Variants in OTUD7A observed in about 807,000 individuals in gnomAD.
The protein encoded by OTUD7A is OTU domain-containing protein 7A.
OTUD7A carries 12 observed loss-of-function variants against 65.7 expected under a neutral mutation model. The observed-to-expected ratio is 0.18, with a 90% CI of 0.12 to 0.30. OTUD7A has a LOEUF of 0.30. Among genes scored for constraint, OTUD7A ranks in the 10% least tolerant of loss-of-function variants. The probability of loss-of-function intolerance (pLI) is 1.00; values close to 1 mark genes in which losing one functional copy is unlikely to be tolerated. For missense variants in OTUD7A, 1,148 were observed against 1,304.8 expected (o/e 0.88, Z 1.85); for synonymous variants, 641 against 586.3 (o/e 1.09, Z -1.35).
Position 31,773,477 on chromosome 15 carries a change from G to A in OTUD7A, c.-100+97030C>T, listed in dbSNP as rs376880958. Among the ~76,000 whole-genome samples, 5 of 152,270 alleles carry A rather than the reference G, an allele frequency of 3.3e-5. No homozygotes were observed. In the South Asian group the frequency reaches 6.2e-4, roughly 19 times the overall value. ...GGGCAATGGAATGTCTGGGGTCCCC[G>A]TTATGAGGGCACTAATCTCATTCAT... is the stretch of plus-strand genomic sequence containing the variant. On this transcript the variant is annotated intron_variant, in intron 1 of 12. Transcript: ENST00000307050.
chr15:31,751,765 A>C (rs1460931258), intron 1 of OTUD7A, among the ~76,000 whole-genome samples: 1 of 152,220 alleles, frequency 6.6e-6, no homozygotes, highest in East Asian at 1.9e-4. Context: ...CTTTTCAAAC[A>C]ACATAAGTGG....
intron 1 of OTUD7A, among the ~76,000 whole-genome samples, chr15:31,863,364 C>T (rs559474318): frequency 7.9e-5 from 12 of 152,338 alleles, no homozygotes; most frequent in Admixed American, 5.9e-4. Context: ...CTCTTCTGCA[C>T]TGCCATAACA....
chr15:31,496,287 T>C (rs1343058968), intron 10 of OTUD7A, among the ~76,000 whole-genome samples: 1 of 151,686 alleles, frequency 6.6e-6, no homozygotes, highest in Non-Finnish European at 1.5e-5. Flanking sequence ...AGTGGCACGA[T>C]CTTGGCTCAC....
intron 5 of OTUD7A, among the ~76,000 whole-genome samples, chr15:31,537,908 G>A (rs2141131348): frequency 6.6e-6 from 1 of 152,326 alleles, no homozygotes; most frequent in South Asian, 2.1e-4. Context: ...CATTTCTGCG[G>A]CAGACCTCGT....
chr15:31,850,173 A>T (rs1337461225), intron 1 of OTUD7A, among the ~76,000 whole-genome samples: 1 of 152,204 alleles, frequency 6.6e-6, no homozygotes, highest in South Asian at 2.1e-4. Context: ...ATGTCCATCA[A>T]TGATAGATTG....
At position 31,722,514 on chromosome 15, in the gene OTUD7A, C is replaced by T. The variant is rs865892451; in HGVS notation, c.-99-65437G>A. 5.3e-5 allele frequency among the ~76,000 whole-genome samples: 8 copies of T among 152,364 alleles called. No individual in the cohort carries two copies. The South Asian group carries it at 8.3e-4, about 16-fold the overall frequency. ...TGAATGCACTGCCAGTTTCAATGCACAGCCACGTGGCATGGAGTGACAGTT... is the reference window on the plus strand; with the variant it reads ...TGAATGCACTGCCAGTTTCAATGCATAGCCACGTGGCATGGAGTGACAGTT... On this transcript the variant is annotated intron_variant, in intron 1 of 12. Transcript: ENST00000307050.
intron 10 of OTUD7A, among the ~76,000 whole-genome samples, chr15:31,490,075 GAC>G (rs2041296649): frequency 6.6e-6 from 1 of 152,248 alleles, no homozygotes; most frequent in South Asian, 2.1e-4. Flanking sequence ...AGAGCCCAGG[GAC>G]AGTTCCGGCC....
intron 1 of OTUD7A, among the ~76,000 whole-genome samples, chr15:31,722,966 G>A (rs1893780898): frequency 2.0e-5 from 3 of 152,094 alleles, no homozygotes; most frequent in African/African-American, 7.2e-5. Context: ...TGGGAAGAGA[G>A]CAGGGAAGAT....
chr15:31,680,760 A>C (rs1288864964), intron 1 of OTUD7A, among the ~76,000 whole-genome samples: 1 of 152,236 alleles, frequency 6.6e-6, no homozygotes, highest in East Asian at 1.9e-4. Flanking sequence ...CAAGCAAGAG[A>C]AGAGTAGAAA....
At chr15:31,739,411 A>AGAT in intron 1 of OTUD7A, among the ~76,000 whole-genome samples, 2 of 152,366 alleles carry the variant, frequency 1.3e-5, no homozygotes, top group East Asian at 3.9e-4. Flanking sequence ...ATAATATCTT[A>AGAT]AAAGTAGTCA....
intron 4 of OTUD7A, among the ~76,000 whole-genome samples, chr15:31,565,055 G>A (rs1276748070): frequency 6.6e-6 from 1 of 152,074 alleles, no homozygotes; most frequent in Non-Finnish European, 1.5e-5. Context: ...ACAGCAGAAA[G>A]GATGAAACTC....
chr15:31,845,753 G>A (rs541927987), intron 1 of OTUD7A, among the ~76,000 whole-genome samples: 17 of 152,338 alleles, frequency 1.1e-4, no homozygotes, highest in Middle Eastern at 6.8e-3. Context: ...AGGACCCAGT[G>A]GTATTCTAAC....
rs1025822930 is a variant in OTUD7A, at chr15:31,604,345, C to T, written c.152-34148G>A. 2.0e-5 allele frequency among the ~76,000 whole-genome samples: 3 copies of T among 152,032 alleles called. No individual in the cohort carries two copies. In the Middle Eastern group the frequency reaches 0.01, roughly 517 times the overall value. ...CATTATCAGCAAACTAACACAAGAACAGAAAACCAAACACCGCATTTTCTC... is the reference window on the plus strand; with the variant it reads ...CATTATCAGCAAACTAACACAAGAATAGAAAACCAAACACCGCATTTTCTC... On this transcript the variant is annotated intron_variant, in intron 3 of 12. Coordinates refer to ENST00000307050, the MANE Select transcript of OTUD7A (RefSeq NM_001382637.1).
At chr15:31,621,946 G>T (rs1408125714) in intron 3 of OTUD7A, among the ~76,000 whole-genome samples, 5 of 152,288 alleles carry the variant, frequency 3.3e-5, no homozygotes, top group Admixed American at 1.3e-4. Flanking sequence ...AGGAGCTCTT[G>T]TAGGGCAGGT....
At position 31,527,339 on chromosome 15, in the gene OTUD7A, A is replaced by AG. The variant is rs1268649603; in HGVS notation, c.653-32dup. The stretch of plus-strand genomic sequence containing the variant: ...GCCAGGAGGCCAGGGAGAACAGAGG[A>AG]GAGAAAGGACATGAGAAAAGACAAG... On this transcript the variant is annotated intron_variant, in intron 6 of 12. Transcript: ENST00000307050. 2.5e-6 allele frequency: 4 copies of AG among 1,609,450 alleles called. No individual in the cohort carries two copies. The South Asian group carries it at 4.4e-5, about 18-fold the overall frequency.
intron 3 of OTUD7A, among the ~76,000 whole-genome samples, chr15:31,613,395 A>C (rs1023569682): frequency 3.9e-5 from 6 of 152,250 alleles, no homozygotes; most frequent in African/African-American, 1.4e-4. Flanking sequence ...CAATCTATAC[A>C]TTTGAGAAAG....
intron 8 of OTUD7A, among the ~76,000 whole-genome samples, chr15:31,504,843 G>A (rs1172367331): frequency 1.3e-5 from 2 of 152,012 alleles, no homozygotes; most frequent in African/African-American, 4.8e-5. Context: ...ATCACCTGTG[G>A]AATTTTGGTT....
chr15:31,734,753 C>T (rs1894140292), intron 1 of OTUD7A, among the ~76,000 whole-genome samples: 1 of 151,694 alleles, frequency 6.6e-6, no homozygotes, highest in Admixed American at 6.6e-5. Context: ...CAAAAATCAA[C>T]TCAAGATGGA....
At chr15:31,659,080 T>A (rs537463555) in intron 1 of OTUD7A, among the ~76,000 whole-genome samples, 18 of 136,480 alleles carry the variant, frequency 1.3e-4, no homozygotes, top group Admixed American at 5.0e-4. Context: ...AATAAATAAA[T>A]AAAATAAAAT....
Sources: gnomAD v4.1 joint callset for allele counts (sites outside exome capture counted in the v4.1 genomes callset) on GRCh38, gnomAD v4.1.1 for gene constraint, MANE v1.5 for transcripts, NCBI Gene and HGNC (gene_info 2026-07-23, HGNC 2026-07-21) for gene names.